RASAL2: variants seen among roughly 807,000 people sequenced by gnomAD.
RASAL2 encodes RAS protein activator like 2, also known as ras GTPase-activating protein nGAP.
Under a neutral mutation model 128.9 loss-of-function variants are expected in RASAL2, and 58 were observed. That is an observed-to-expected ratio of 0.45 (90% CI 0.36 to 0.56). The LOEUF is 0.56. Ranked by LOEUF, RASAL2 falls within the 20% of genes least tolerant of loss-of-function variation. The pLI is 0.00. For synonymous variants in RASAL2, 561 were observed against 580.8 expected, an observed-to-expected ratio of 0.97 and a Z score of 0.49; for missense variants, 1,360 against 1,601.6, an observed-to-expected ratio of 0.85 and a Z score of 2.57.
intron 1 of RASAL2, among the ~76,000 whole-genome samples, chr1:178,183,263 A>G (rs1253754236): frequency 6.6e-6 from 1 of 152,244 alleles, no homozygotes; most frequent in African/African-American, 2.4e-5. Context: ...CACCATGTGT[A>G]TTACAAATAG....
chr1:178,183,845 A>T (rs990972415), intron 1 of RASAL2, among the ~76,000 whole-genome samples: 2 of 152,214 alleles, frequency 1.3e-5, no homozygotes, highest in African/African-American at 4.8e-5. Context: ...TTGCTGGATT[A>T]TGTAGTAAGA....
chr1:178,408,762 T>G (rs1032298410), intron 4 of RASAL2, among the ~76,000 whole-genome samples: 4 of 152,194 alleles, frequency 2.6e-5, no homozygotes. Context: ...TATGTTATAG[T>G]ACTTAAAGTA....
At chr1:178,444,344 G>A (rs1266155729) in intron 8 of RASAL2, among the ~76,000 whole-genome samples, 5 of 151,994 alleles carry the variant, frequency 3.3e-5, no homozygotes, top group Non-Finnish European at 5.9e-5. Context: ...GAATGTTACC[G>A]TTACCCCCAA....
At chr1:178,206,245 A>G (rs1189200949) in intron 1 of RASAL2, among the ~76,000 whole-genome samples, 1 of 152,194 alleles carries the variant, frequency 6.6e-6, no homozygotes, top group Non-Finnish European at 1.5e-5. Context: ...TTATACAAAG[A>G]TCCCATTTGA....
intron 2 of RASAL2, among the ~76,000 whole-genome samples, chr1:178,288,283 T>C (rs775000323): frequency 2.0e-5 from 3 of 152,230 alleles, no homozygotes; most frequent in South Asian, 2.1e-4. Flanking sequence ...TCTAAGAAGA[T>C]GTTTTTCATA....
At chr1:178,141,295 C>T (rs921489731) in intron 1 of RASAL2, among the ~76,000 whole-genome samples, 4 of 151,166 alleles carry the variant, frequency 2.6e-5, no homozygotes, top group African/African-American at 7.3e-5. Context: ...TGCCCACTCC[C>T]AGCTCGAATG....
intron 5 of RASAL2, among the ~76,000 whole-genome samples, chr1:178,437,255 T>A (rs1676311264): frequency 6.6e-6 from 1 of 152,158 alleles, no homozygotes; most frequent in Non-Finnish European, 1.5e-5. Context: ...TCTGCTTCTA[T>A]GGAAGACTTG....
Position 178,458,166 on chromosome 1 carries a change from CAG to C in RASAL2, c.2875_2876del (p.Ser959Ter). On this transcript the variant is annotated frameshift_variant, in exon 14 of 18. Transcript: ENST00000367649. LOFTEE classifies it high-confidence loss of function. ...CTGCCAGTTCCAGAAGCCAAAGTAA[CAG>C]TGAAGACTTCAAGCTCAGTGGACCC... ...STASSRSQSN[S>X]EDFKLSGPSN... 6.2e-7 allele frequency: 1 copy of C among 1,614,222 alleles called. No individual in the cohort carries two copies. Among genetic ancestry groups the C allele is most frequent in the Non-Finnish European group, 8.5e-7 (1 of 1,180,048 alleles).
At chr1:178,254,182 C>A (rs575496836) in intron 1 of RASAL2, among the ~76,000 whole-genome samples, 1 of 152,256 alleles carries the variant, frequency 6.6e-6, no homozygotes, top group South Asian at 2.1e-4. Flanking sequence ...AGATCTTTTG[C>A]TGCTCCTTCT....
intron 1 of RASAL2, among the ~76,000 whole-genome samples, chr1:178,129,661 T>C (rs1660028946): frequency 6.6e-6 from 1 of 152,038 alleles, no homozygotes; most frequent in Non-Finnish European, 1.5e-5. Context: ...CTCAGCTTAA[T>C]TGAAGGTCAT....
chr1:178,143,168 T>C (rs1180236605), intron 1 of RASAL2, among the ~76,000 whole-genome samples: 1 of 151,780 alleles, frequency 6.6e-6, no homozygotes, highest in African/African-American at 2.4e-5. Context: ...ATTTATAATG[T>C]ATATTATTTA....
intron 1 of RASAL2, among the ~76,000 whole-genome samples, chr1:178,150,214 C>T (rs987696475): frequency 2.0e-5 from 3 of 151,560 alleles, no homozygotes; most frequent in Non-Finnish European, 2.9e-5. Context: ...TATTTTTTTG[C>T]GACGGAGTCT....
intron 1 of RASAL2, among the ~76,000 whole-genome samples, chr1:178,263,594 T>C (rs1665798731): frequency 6.6e-6 from 1 of 152,240 alleles, no homozygotes; most frequent in Admixed American, 6.5e-5. Flanking sequence ...CTCTCAACTC[T>C]TTCTGGTGTG....
At chr1:178,265,538 G>A (rs1207536576) in intron 1 of RASAL2, among the ~76,000 whole-genome samples, 1 of 152,186 alleles carries the variant, frequency 6.6e-6, no homozygotes, top group Non-Finnish European at 1.5e-5. Context: ...TAAAAGAGTA[G>A]GTATTTTTAT....
intron 1 of RASAL2, among the ~76,000 whole-genome samples, chr1:178,181,042 C>A (rs1662091022): frequency 6.6e-6 from 1 of 152,040 alleles, no homozygotes; most frequent in Admixed American, 6.5e-5. Context: ...GTCCCCATTT[C>A]ATTTATGATA....
chr1:178,334,733 T>C (rs1669504613), intron 3 of RASAL2, among the ~76,000 whole-genome samples: 1 of 152,214 alleles, frequency 6.6e-6, no homozygotes, highest in Non-Finnish European at 1.5e-5. Context: ...GGATGGGGGA[T>C]GGACCCATGA....
chr1:178,094,733 A>G, intron 1 of RASAL2, 39 bp downstream of exon 1: 4 of 1,609,318 alleles, frequency 2.5e-6, no homozygotes, highest in African/African-American at 1.3e-5. Flanking sequence ...GGTGTTTCCT[A>G]TTTTTGCTTG....
At chr1:178,107,423 G>A (rs1659132391) in intron 1 of RASAL2, among the ~76,000 whole-genome samples, 2 of 152,132 alleles carry the variant, frequency 1.3e-5, no homozygotes, top group Admixed American at 1.3e-4. Context: ...AAGTGAGGAT[G>A]CTAGATAGAG....
At chr1:178,304,394 A>T (rs140660289) in intron 3 of RASAL2, among the ~76,000 whole-genome samples, 8 of 152,130 alleles carry the variant, frequency 5.3e-5, no homozygotes, top group Non-Finnish European at 1.0e-4. Context: ...ATGGTGGCAC[A>T]CATCTGTAGT....
Sources: allele counts gnomAD v4.1 joint callset (sites outside exome capture counted in the v4.1 genomes callset), GRCh38; gene constraint gnomAD v4.1.1; transcripts MANE v1.5; gene names NCBI Gene and HGNC (gene_info 2026-07-23, HGNC 2026-07-21).